Variants in MICAL2 observed in about 807,000 individuals in gnomAD.
The protein encoded by MICAL2 is microtubule associated monooxygenase, calponin and LIM domain containing 2.
Under a neutral mutation model 127.3 loss-of-function variants are expected in MICAL2, and 77 were observed. The ratio of observed to expected loss-of-function variants is 0.60; its 90% confidence interval spans 0.50 to 0.73. The LOEUF is 0.73. Among genes scored for constraint, MICAL2 ranks in the 30% least tolerant of loss-of-function variants. MICAL2 has a pLI of 0.00. For missense variants in MICAL2, 1,351 were observed against 1,434.4 expected, an observed-to-expected ratio of 0.94 and a Z score of 0.94; for synonymous variants, 570 against 551.1, an observed-to-expected ratio of 1.03 and a Z score of -0.48.
intron 15 of MICAL2, among the ~76,000 whole-genome samples, chr11:12,230,747 A>G (rs1858147919): frequency 6.7e-6 from 1 of 150,234 alleles, no homozygotes; most frequent in African/African-American, 2.5e-5. Flanking sequence ...ATAACATGCA[A>G]TCCAAGCAAG....
intron 1 of MICAL2, among the ~76,000 whole-genome samples, chr11:12,127,587 G>C (rs1701469353): frequency 6.6e-6 from 1 of 152,148 alleles, no homozygotes; most frequent in African/African-American, 2.4e-5. Context: ...GTTAGAGAAG[G>C]TTTCACTGAC....
chr11:12,125,361 C>T (rs1008287719), intron 1 of MICAL2, among the ~76,000 whole-genome samples: 2 of 152,244 alleles, frequency 1.3e-5, no homozygotes, highest in African/African-American at 4.8e-5. Flanking sequence ...TCAAGTGCTT[C>T]TCCTGCCTCG....
intron 2 of MICAL2, among the ~76,000 whole-genome samples, chr11:12,281,659 C>T (rs763045591): frequency 1.3e-5 from 2 of 152,192 alleles, no homozygotes; most frequent in Admixed American, 6.5e-5. Context: ...TTTTCCCATA[C>T]GTGTGGTCAT....
At chr11:12,316,875 A>G (rs1461709523) in intron 29 of MICAL2, among the ~76,000 whole-genome samples, 2 of 152,140 alleles carry the variant, frequency 1.3e-5, no homozygotes, top group Non-Finnish European at 1.5e-5. Flanking sequence ...GTGAATCTAT[A>G]ATAACCTTTA....
At chr11:12,210,690 C>A (rs1453656351) in intron 6 of MICAL2, among the ~76,000 whole-genome samples, 2 of 152,162 alleles carry the variant, frequency 1.3e-5, no homozygotes, top group African/African-American at 4.8e-5. Context: ...GAATCCAGGA[C>A]CCATTTTCAG....
intron 3 of MICAL2, among the ~76,000 whole-genome samples, chr11:12,189,963 G>A (rs1401226723): frequency 2.6e-5 from 4 of 152,232 alleles, no homozygotes; most frequent in East Asian, 1.9e-4. Context: ...ATGGGCAGTC[G>A]GGATGGTGTA....
chr11:12,305,911 A>G (rs74565090), intron 29 of MICAL2, among the ~76,000 whole-genome samples: 3,070 of 151,592 alleles, frequency 0.02, 83 homozygotes, highest in East Asian at 0.14. Flanking sequence ...TTGATTAAAG[A>G]CGTTTGATAG....
intron 3 of MICAL2, among the ~76,000 whole-genome samples, chr11:12,179,299 T>C (rs1857175762): frequency 6.6e-6 from 1 of 152,102 alleles, no homozygotes; most frequent in South Asian, 2.1e-4. Context: ...GCACTTTCCG[T>C]GTTCAGTCTG....
intron 1 of MICAL2, among the ~76,000 whole-genome samples, chr11:12,133,125 A>G (rs7105887): frequency 0.31 from 46,404 of 152,076 alleles, 7,294 homozygotes; most frequent in South Asian, 0.42. Flanking sequence ...TCTGTCACCC[A>G]GGCTGGAGTG....
At chr11:12,194,831 G>C (rs1859677373) in intron 3 of MICAL2, among the ~76,000 whole-genome samples, 2 of 152,152 alleles carry the variant, frequency 1.3e-5, no homozygotes, top group African/African-American at 4.8e-5. Context: ...CATTCACAGG[G>C]AGAAAACCGA....
chr11:12,210,760 T>C (rs1855348641), intron 6 of MICAL2, among the ~76,000 whole-genome samples: 1 of 152,208 alleles, frequency 6.6e-6, no homozygotes, highest in African/African-American at 2.4e-5. Context: ...GATGGAGCCA[T>C]TTGAGCCACT....
intron 2 of MICAL2, among the ~76,000 whole-genome samples, chr11:12,159,472 A>G (rs1416649403): frequency 6.6e-6 from 1 of 152,220 alleles, no homozygotes; most frequent in African/African-American, 2.4e-5. Context: ...CTCTGCCGTC[A>G]TCCACGTTTC....
intron 2 of MICAL2, among the ~76,000 whole-genome samples, chr11:12,139,896 G>A (rs61875192): frequency 0.05 from 7,591 of 152,220 alleles, 396 homozygotes; most frequent in African/African-American, 0.13. Flanking sequence ...TTGAACACAC[G>A]TGCTGTTCTT....
chr11:12,120,546 A>G (rs993568476), intron 1 of MICAL2, among the ~76,000 whole-genome samples: 1 of 152,224 alleles, frequency 6.6e-6, no homozygotes, highest in Non-Finnish European at 1.5e-5. Flanking sequence ...GAATGTCCAC[A>G]GAGTCCCACA....
upstream of MICAL2, among the ~76,000 whole-genome samples, chr11:12,273,519 C>T (rs1409890294): frequency 6.6e-6 from 1 of 151,054 alleles, no homozygotes; most frequent in Non-Finnish European, 1.5e-5. Context: ...ACTAGCAACC[C>T]ACTTGCTCAG....
At chr11:12,260,012 A>G (rs770684330) in intron 26 of MICAL2, 115 bp downstream of exon 26, 40 of 1,550,430 alleles carry the variant, frequency 2.6e-5, no homozygotes, top group Non-Finnish European at 3.3e-5. Flanking sequence ...ATCAGGGACA[A>G]TGCTTACAAC....
Position 12,222,549 on chromosome 11 carries a change from G to A in MICAL2, c.1323-68G>A. 4 of 1,602,150 alleles carry A rather than the reference G, an allele frequency of 2.5e-6. No homozygotes were observed. In the South Asian group the frequency reaches 4.4e-5, roughly 18 times the overall value. ...TTGAGCCAGAGGAAGGGGGAAGTAG[G>A]GAAGGGTGGGGACAAGGCCTGAGGT... On this transcript the variant is annotated intron_variant, in intron 10 of 27. Coordinates refer to ENST00000683283, the MANE Select transcript of MICAL2 (RefSeq NM_001282663.2).
At chr11:12,292,977 G>A (rs111720509), downstream of MICAL2, among the ~76,000 whole-genome samples, 10 of 152,298 alleles carry the variant, frequency 6.6e-5, 1 homozygote, top group African/African-American at 2.2e-4. Flanking sequence ...TCCTTTCTCA[G>A]TGGTGCAATG....
chr11:12,346,728 A>G (rs1205031904), intron 32 of MICAL2, among the ~76,000 whole-genome samples: 1 of 152,226 alleles, frequency 6.6e-6, no homozygotes, highest in Middle Eastern at 3.2e-3. Context: ...CCAATGGACC[A>G]TGAGCTCCCA....
Sources: gnomAD v4.1 joint callset for allele counts (sites outside exome capture counted in the v4.1 genomes callset) on GRCh38, gnomAD v4.1.1 for gene constraint, MANE v1.5 for transcripts, NCBI Gene and HGNC (gene_info 2026-07-23, HGNC 2026-07-21) for gene names.